The following ASTN2 variants were observed in gnomAD, a reference collection of about 807,000 sequenced individuals.
The protein encoded by ASTN2 is astrotactin 2, also known as astrotactin-2.
Under a neutral mutation model 139.8 loss-of-function variants are expected in ASTN2, and 54 were observed. That is an observed-to-expected ratio of 0.39 (90% CI 0.31 to 0.48). The LOEUF is 0.48. Ranked by LOEUF, ASTN2 falls within the 20% of genes least tolerant of loss-of-function variation. The probability of loss-of-function intolerance (pLI) is 0.95; values close to 1 mark genes in which losing one functional copy is unlikely to be tolerated. For missense variants in ASTN2, 1,565 were observed against 1,725.1 expected, an observed-to-expected ratio of 0.91 and a Z score of 1.64; for synonymous variants, 756 against 719.5, an observed-to-expected ratio of 1.05 and a Z score of -0.81.
At position 117,367,410 on chromosome 9, in the gene ASTN2, GTGACCATTTGC is replaced by G. The variant is rs1829872931; in HGVS notation, c.442+47076_442+47086del. 2.0e-5 allele frequency among the ~76,000 whole-genome samples: 3 copies of G among 152,270 alleles called. No individual in the cohort carries two copies. The South Asian group carries it at 6.2e-4, about 32-fold the overall frequency. ...GCTGGCTCTGCCACTTACCAGCTCT[GTGACCATTTGC>G]TATTTACTAATACCTGTATACTTCA... On this transcript the variant is annotated intron_variant, in intron 1 of 22. Transcript: ENST00000313400.
chr9:117,169,928 G>A (rs562246518), intron 3 of ASTN2, among the ~76,000 whole-genome samples: 6 of 152,200 alleles, frequency 3.9e-5, no homozygotes, highest in Admixed American at 2.6e-4. Flanking sequence ...TTCCTCTTAG[G>A]AGGCATCCTG....
intron 20 of ASTN2, 133 bp downstream of exon 20, chr9:116,487,226 G>T: frequency 8.5e-7 from 1 of 1,170,658 alleles, no homozygotes; most frequent in South Asian, 1.6e-5. Context: ...CTAAACCTTA[G>T]AATCTCAAGT....
At chr9:116,684,716 G>A (rs1860092292) in intron 16 of ASTN2, among the ~76,000 whole-genome samples, 1 of 152,098 alleles carries the variant, frequency 6.6e-6, no homozygotes, top group Non-Finnish European at 1.5e-5. Flanking sequence ...TACGTCCCCT[G>A]TCAGCAAGAA....
At chr9:116,887,297 G>A (rs904893531) in intron 10 of ASTN2, among the ~76,000 whole-genome samples, 11 of 152,008 alleles carry the variant, frequency 7.2e-5, no homozygotes, top group Non-Finnish European at 1.5e-4. Flanking sequence ...TCAGAGCAGG[G>A]TAAGTGAAAG....
At chr9:117,043,027 C>A (rs1288054776) in intron 5 of ASTN2, among the ~76,000 whole-genome samples, 2 of 152,090 alleles carry the variant, frequency 1.3e-5, no homozygotes, top group Admixed American at 6.6e-5. Flanking sequence ...CACACCACCA[C>A]ACCCAGCTAA....
intron 2 of ASTN2, among the ~76,000 whole-genome samples, chr9:117,222,399 A>T (rs1479880020): frequency 6.6e-6 from 1 of 152,090 alleles, no homozygotes; most frequent in African/African-American, 2.4e-5. Flanking sequence ...GCTCCCAGTA[A>T]GCTGGGGAGC....
chr9:116,686,806 G>A (rs748502403), intron 16 of ASTN2: 1 of 1,550,638 alleles, frequency 6.4e-7, no homozygotes, highest in Non-Finnish European at 8.7e-7. Context: ...ATGTGTTCAT[G>A]GATAAACTTG....
intron 11 of ASTN2, among the ~76,000 whole-genome samples, chr9:116,825,184 G>A (rs1831593329): frequency 6.6e-6 from 1 of 152,158 alleles, no homozygotes; most frequent in African/African-American, 2.4e-5. Flanking sequence ...ACTAAAGTCA[G>A]GCCTGAATTC....
chr9:116,948,333 T>A (rs1835454565), intron 10 of ASTN2, among the ~76,000 whole-genome samples: 1 of 152,192 alleles, frequency 6.6e-6, no homozygotes, highest in South Asian at 2.1e-4. Context: ...AAATGGTGGT[T>A]TCTTGTTTAC....
chr9:116,721,934 C>T (rs138577373), intron 16 of ASTN2, among the ~76,000 whole-genome samples: 52 of 152,254 alleles, frequency 3.4e-4, no homozygotes, highest in African/African-American at 1.2e-3. Context: ...CACTATACTT[C>T]CTTTCTGTGT....
chr9:117,181,094 C>G, intron 3 of ASTN2: 1 of 1,074,592 alleles, frequency 9.3e-7, no homozygotes, highest in Non-Finnish European at 1.4e-6. Flanking sequence ...TTAAAGCAAC[C>G]CATACAACAA....
chr9:116,619,605 C>G (rs7872195), intron 18 of ASTN2, among the ~76,000 whole-genome samples: 1,685 of 151,828 alleles, frequency 0.011, 29 homozygotes, highest in African/African-American at 0.039. Context: ...ATCACTGCAG[C>G]CTTGAATTCC....
intron 2 of ASTN2, among the ~76,000 whole-genome samples, chr9:117,289,863 G>A (rs1024194509): frequency 6.6e-5 from 10 of 152,306 alleles, no homozygotes; most frequent in African/African-American, 1.4e-4. Flanking sequence ...GTTCCTCCAC[G>A]TGATGAGCAT....
intron 1 of ASTN2, among the ~76,000 whole-genome samples, chr9:117,337,689 G>T (rs1319102700): frequency 6.6e-6 from 1 of 152,110 alleles, no homozygotes; most frequent in East Asian, 1.9e-4. Context: ...AGGTAATGAG[G>T]TATCATGGAG....
chr9:117,402,319 C>T lies in ASTN2; in HGVS notation c.442+12178G>A, dbSNP rs188988118. On this transcript the variant is annotated intron_variant, in intron 1 of 22. Transcript: ENST00000313400. ...TGACCTAAAGTGATCTGCCTGCCTC[C>T]GCCTCCAAAGAGCTGGGATTACAGG... 4.2e-4 allele frequency among the ~76,000 whole-genome samples: 64 copies of T among 152,184 alleles called. No individual in the cohort carries two copies. In the East Asian group the frequency reaches 0.011, roughly 26 times the overall value.
chr9:117,394,487 G>A (rs1483569983), intron 1 of ASTN2, among the ~76,000 whole-genome samples: 1 of 152,174 alleles, frequency 6.6e-6, no homozygotes, highest in South Asian at 2.1e-4. Context: ...ATCAATATAA[G>A]GGAGGAGGCC....
At chr9:117,223,509 G>A (rs544625116) in intron 2 of ASTN2, among the ~76,000 whole-genome samples, 87 of 152,256 alleles carry the variant, frequency 5.7e-4, no homozygotes, top group Non-Finnish European at 1.1e-3. Flanking sequence ...GTCTATTGGT[G>A]GGGAAGGGGG....
chr9:116,443,669 T>C (rs1250118556), intron 20 of ASTN2, among the ~76,000 whole-genome samples: 3 of 152,096 alleles, frequency 2.0e-5, no homozygotes, highest in African/African-American at 7.2e-5. Flanking sequence ...GGAGCAGAAA[T>C]GACTTTCTAG....
intron 10 of ASTN2, among the ~76,000 whole-genome samples, chr9:116,876,704 T>A (rs1396566895): frequency 2.6e-5 from 4 of 152,358 alleles, no homozygotes; most frequent in Admixed American, 2.6e-4. Context: ...AAAATGATTA[T>A]GGCTCACTGA....
Sources: allele counts gnomAD v4.1 joint callset (sites outside exome capture counted in the v4.1 genomes callset), GRCh38; gene constraint gnomAD v4.1.1; transcripts MANE v1.5; gene names NCBI Gene and HGNC (gene_info 2026-07-23, HGNC 2026-07-21).